Variants in TNKS2 observed in about 807,000 individuals in gnomAD.
TNKS2 encodes tankyrase 2, also known as poly [ADP-ribose] polymerase tankyrase-2.
TNKS2 carries 72 observed loss-of-function variants against 137.6 expected under a neutral mutation model. The ratio of observed to expected loss-of-function variants is 0.52; its 90% confidence interval spans 0.43 to 0.64. The LOEUF (loss-of-function observed/expected upper bound fraction) is 0.64, where lower values mean the gene tolerates loss of function less well. Among genes scored for constraint, TNKS2 ranks in the 30% least tolerant of loss-of-function variants. The pLI, the probability that TNKS2 is intolerant of heterozygous loss-of-function variation, is 0.00. For missense variants in TNKS2, 1,049 were observed against 1,410.2 expected (o/e 0.74, Z 4.10); for synonymous variants, 516 against 512.1 (o/e 1.01, Z -0.10).
intron 13 of TNKS2, 73 bp downstream of exon 13, chr10:91,837,071 C>A (rs1842048355): frequency 1.4e-6 from 2 of 1,442,130 alleles, no homozygotes; most frequent in Non-Finnish European, 1.9e-6. Flanking sequence ...TGTACTGTTA[C>A]AATGAAGAGC....
chr10:91,852,201 C>G (rs926389685), intron 21 of TNKS2, among the ~76,000 whole-genome samples: 3 of 150,614 alleles, frequency 2.0e-5, no homozygotes, highest in African/African-American at 7.3e-5. Flanking sequence ...GCACTCCAGC[C>G]TGGGCGACAG....
intron 21 of TNKS2, 146 bp downstream of exon 21, chr10:91,851,482 C>A: frequency 2.1e-6 from 2 of 958,496 alleles, no homozygotes; most frequent in Non-Finnish European, 3.0e-6. Flanking sequence ...GGGATTAAGT[C>A]TTAGCTGTGC....
chr10:91,834,084 A>G, intron 12 of TNKS2, 60 bp downstream of exon 12: 5 of 1,389,688 alleles, frequency 3.6e-6, no homozygotes, highest in Non-Finnish European at 4.8e-6. Flanking sequence ...TTTTTCACAT[A>G]TCAGGTATTA....
At chr10:91,856,284 A>G (rs972799014) in intron 23 of TNKS2, among the ~76,000 whole-genome samples, 1 of 152,260 alleles carries the variant, frequency 6.6e-6, no homozygotes, top group Admixed American at 6.5e-5. Context: ...TACTTGATGC[A>G]TAATGAATTC....
chr10:91,802,676 T>TA (rs1176399655), intron 1 of TNKS2, among the ~76,000 whole-genome samples: 3 of 152,266 alleles, frequency 2.0e-5, no homozygotes, highest in East Asian at 3.8e-4. Flanking sequence ...CCCAAAATGA[T>TA]AACCATTGGA....
chr10:91,801,342 T>A (rs889680626), intron 1 of TNKS2, among the ~76,000 whole-genome samples: 1 of 152,214 alleles, frequency 6.6e-6, no homozygotes, highest in Non-Finnish European at 1.5e-5. Context: ...CTGAACTAGA[T>A]TGCATACTTT....
chr10:91,850,173 C>G lies in TNKS2; in HGVS notation c.2694+579C>G, dbSNP rs183809466. On this transcript the variant is annotated intron_variant, in intron 20 of 26. Transcript: ENST00000371627. ...TTGAGGTCAGGAGTTCAAGACCAGC[C>G]TGGCCAAGATGGTGAAACCCCCGTC... Among the ~76,000 whole-genome samples, 35 of 151,578 alleles carry G rather than the reference C, an allele frequency of 2.3e-4. No homozygotes were observed. In the East Asian group the frequency reaches 4.5e-3, roughly 19 times the overall value.
At chr10:91,810,525 C>T (rs546716998) in intron 1 of TNKS2, among the ~76,000 whole-genome samples, 1 of 151,538 alleles carries the variant, frequency 6.6e-6, no homozygotes, top group African/African-American at 2.4e-5. Context: ...TTTTTTGAGA[C>T]GGAGTCTCAC....
At position 91,827,169 on chromosome 10, in the gene TNKS2, G is replaced by T; in HGVS notation, c.948G>T (p.Leu316Phe). Residue 316 changes from leucine to phenylalanine, a missense_variant, in exon 8 of 27, where the codon TTG (leucine) becomes TTT (phenylalanine). Physicochemically the swap from Leu to Phe is conservative, Grantham distance 22. Transcript: ENST00000371627. ...GTCACAATAAAAGTGCTATAGACTTGGCTCCCACACCACAGTTAAAAGAAA... is the reference window on the plus strand; with the variant it reads ...GTCACAATAAAAGTGCTATAGACTTTGCTCCCACACCACAGTTAAAAGAAA... Reference protein sequence around the residue: ...LNCHNKSAIDLAPTPQLKERL... With the variant: ...LNCHNKSAIDFAPTPQLKERL... 6.3e-7 allele frequency: 1 copy of T among 1,580,842 alleles called. No individual in the cohort carries two copies. Among genetic ancestry groups the T allele is most frequent in the South Asian group, 1.2e-5 (1 of 85,290 alleles).
intron 13 of TNKS2, among the ~76,000 whole-genome samples, chr10:91,840,355 CA>C (rs1389441612): frequency 1.3e-5 from 2 of 148,504 alleles, no homozygotes; most frequent in South Asian, 2.1e-4. Context: ...AATAATAAGA[CA>C]AAAAAAAAGG....
chr10:91,849,710 G>C (rs1273253353), intron 20 of TNKS2, 116 bp downstream of exon 20: 3 of 724,080 alleles, frequency 4.1e-6, no homozygotes, highest in African/African-American at 3.7e-5. Context: ...TGTTTTTTAA[G>C]AAATGACATC....
chr10:91,862,831 C>T lies in TNKS2; in HGVS notation c.3439-106C>T, dbSNP rs1054693574. On this transcript the variant is annotated intron_variant, in intron 26 of 26. Coordinates refer to ENST00000371627, the MANE Select transcript of TNKS2 (RefSeq NM_025235.4). ...GTCCCTAGATGATTCTGATCTACAA[C>T]AGTAATTTAGAACCTCCTCCCTAAG... 3 of 710,996 alleles carry T rather than the reference C, an allele frequency of 4.2e-6. No individual in the cohort carries two copies. In the African/African-American group the frequency reaches 5.4e-5, roughly 13 times the overall value. The allele number at this position is 710,996 out of a possible 1,614,324, so 44.0% of individuals were successfully genotyped here.
At chr10:91,813,621 A>G (rs1270419324) in intron 2 of TNKS2, among the ~76,000 whole-genome samples, 1 of 152,222 alleles carries the variant, frequency 6.6e-6, no homozygotes, top group Admixed American at 6.5e-5. Context: ...GGATTTCTCT[A>G]TAAAAAGCTT....
intron 21 of TNKS2, among the ~76,000 whole-genome samples, chr10:91,853,099 G>T (rs1842598744): frequency 6.6e-6 from 1 of 152,216 alleles, no homozygotes; most frequent in African/African-American, 2.4e-5. Flanking sequence ...TAACAATTAT[G>T]TTGGAGTACC....
intron 1 of TNKS2, among the ~76,000 whole-genome samples, chr10:91,806,864 A>G (rs1844339716): frequency 6.6e-6 from 1 of 152,208 alleles, no homozygotes; most frequent in Non-Finnish European, 1.5e-5. Context: ...TTTTCCTAAT[A>G]TCTCATTTTC....
chr10:91,809,221 A>G (rs947000055), intron 1 of TNKS2, among the ~76,000 whole-genome samples: 7 of 152,214 alleles, frequency 4.6e-5, no homozygotes, highest in Non-Finnish European at 1.0e-4. Flanking sequence ...ACTTCAACGT[A>G]TGTGAAAAAA....
intron 14 of TNKS2, 144 bp downstream of exon 14, chr10:91,840,850 C>A: frequency 3.9e-6 from 3 of 778,540 alleles, no homozygotes; most frequent in Non-Finnish European, 5.8e-6. Flanking sequence ...TTCTTAATTT[C>A]AATTAAGATT....
chr10:91,811,641 C>T (rs1844510770), intron 1 of TNKS2, among the ~76,000 whole-genome samples: 1 of 152,134 alleles, frequency 6.6e-6, no homozygotes. Context: ...ATCTTTAGCT[C>T]TTCCATCAGC....
intron 1 of TNKS2, among the ~76,000 whole-genome samples, chr10:91,805,429 G>A (rs1055954958): frequency 3.9e-5 from 6 of 152,060 alleles, no homozygotes; most frequent in Admixed American, 2.0e-4. Context: ...CATATCGATC[G>A]CCTCAGCTAA....
Sources: allele counts gnomAD v4.1 joint callset (sites outside exome capture counted in the v4.1 genomes callset), GRCh38; gene constraint gnomAD v4.1.1; transcripts MANE v1.5; gene names NCBI Gene and HGNC (gene_info 2026-07-23, HGNC 2026-07-21).